Variants in MAP3K21 observed in about 807,000 individuals in gnomAD.
MAP3K21 encodes the protein mitogen-activated protein kinase kinase kinase MLK4.
MAP3K21 carries 63 observed loss-of-function variants against 86.1 expected under a neutral mutation model. The ratio of observed to expected loss-of-function variants is 0.73; its 90% CI spans 0.60 to 0.90. The LOEUF (loss-of-function observed/expected upper bound fraction) is 0.90, where lower values mean the gene tolerates loss of function less well. Ranked by LOEUF, MAP3K21 falls within the 40% of genes least tolerant of loss-of-function variation. The pLI, the probability that MAP3K21 is intolerant of heterozygous loss-of-function variation, is 0.00. For missense variants in MAP3K21, 1,220 were observed against 1,367.7 expected, an observed-to-expected ratio of 0.89 and a Z score of 1.70; for synonymous variants, 558 against 564.8, an observed-to-expected ratio of 0.99 and a Z score of 0.17.
intron 5 of MAP3K21, among the ~76,000 whole-genome samples, chr1:233,365,644 G>A (rs1354473464): frequency 6.6e-6 from 1 of 152,200 alleles, no homozygotes; most frequent in Non-Finnish European, 1.5e-5. Flanking sequence ...TGAGGATGTG[G>A]AGAAAAGGGA....
At position 233,382,979 on chromosome 1, in the gene MAP3K21, A is replaced by G; in HGVS notation, c.*268A>G. On this transcript the variant is annotated 3_prime_UTR_variant, in exon 10 of 10. Transcript: ENST00000366624. ...ACCAATGAAAACTATGCTGGGTCGAATTACCTTCAGCACAATGTTAATGTT... is the reference window on the plus strand; with the variant it reads ...ACCAATGAAAACTATGCTGGGTCGAGTTACCTTCAGCACAATGTTAATGTT... 3.2e-6 allele frequency: 1 copy of G among 315,970 alleles called. No individual in the cohort carries two copies. Among genetic ancestry groups the G allele is most frequent in the Non-Finnish European group, 5.9e-6 (1 of 169,162 alleles). The allele number at this position is 315,970 out of a possible 1,614,324, so 19.6% of individuals were successfully genotyped here.
At chr1:233,349,205 T>C (rs1663202959) in intron 2 of MAP3K21, among the ~76,000 whole-genome samples, 1 of 152,316 alleles carries the variant, frequency 6.6e-6, no homozygotes, top group East Asian at 1.9e-4. Context: ...GTGTTTTCAT[T>C]GAGTTAATGA....
chr1:233,382,796 C>A lies in MAP3K21; in HGVS notation c.*85C>A. Reference sequence around the variant, plus strand: ...TCTACCTTTGAACTGTTTCATGCTGCTGTGTTTTCAAAAGCTGTGGCCATG... The same window carrying A: ...TCTACCTTTGAACTGTTTCATGCTGATGTGTTTTCAAAAGCTGTGGCCATG... On this transcript the variant is annotated 3_prime_UTR_variant, in exon 10 of 10. Transcript: ENST00000366624. 8.1e-7 allele frequency: 1 copy of A among 1,235,262 alleles called. No individual in the cohort carries two copies. The highest frequency in any genetic ancestry group is 1.1e-6 in the Non-Finnish European group (1 of 887,012). 76.5% of individuals were successfully genotyped at this position (1,235,262 alleles called of 1,614,324 possible). A position where few individuals can be genotyped will look rare whatever the true frequency, so the allele number is the denominator to read the frequency against.
At position 233,328,937 on chromosome 1, in the gene MAP3K21, G is replaced by C. The variant is rs1662761582; in HGVS notation, c.805+104G>C. 1 of 1,172,064 alleles carries C rather than the reference G, an allele frequency of 8.5e-7. No individual in the cohort carries two copies. Among genetic ancestry groups the C allele is most frequent in the African/African-American group, 1.6e-5 (1 of 62,420 alleles). The allele number at this position is 1,172,064 out of a possible 1,614,324, so 72.6% of individuals were successfully genotyped here. ...TGGAAAGAGGTGGGAGTCAGCCTTA[G>C]GGCGCCAGCAGCAACTCATGCCCAG... On this transcript the variant is annotated intron_variant, in intron 1 of 9. Transcript: ENST00000366624. This position sits in a 1 kb window ranked among gnomAD's most constrained non-coding sequence, Gnocchi z 8.7.
At chr1:233,337,168 C>T (rs79751560) in intron 1 of MAP3K21, among the ~76,000 whole-genome samples, 2,952 of 151,982 alleles carry the variant, frequency 0.019, 97 homozygotes, top group African/African-American at 0.067. Flanking sequence ...TTTTGCAGCC[C>T]ATATGGTCTC....
At chr1:233,371,503 G>A (rs1663679211) in intron 5 of MAP3K21, among the ~76,000 whole-genome samples, 1 of 152,158 alleles carries the variant, frequency 6.6e-6, no homozygotes, top group African/African-American at 2.4e-5. Flanking sequence ...TGGGATTACA[G>A]ATGTGTGCCA....
chr1:233,365,910 A>C (rs1387406275), intron 5 of MAP3K21, among the ~76,000 whole-genome samples: 1 of 152,232 alleles, frequency 6.6e-6, no homozygotes, highest in African/African-American at 2.4e-5. Context: ...TGGCAACACT[A>C]TTCACAATGA....
chr1:233,351,712 A>G (rs201750842), intron 2 of MAP3K21, among the ~76,000 whole-genome samples: 1 of 143,196 alleles, frequency 7.0e-6, no homozygotes, highest in Admixed American at 7.1e-5. Context: ...AAAAAAAAAA[A>G]GGTTATGTAT....
Position 233,328,957 on chromosome 1 carries a change from GC to G in MAP3K21, c.805+127del, listed in dbSNP as rs1430060225. 4.1e-6 allele frequency: 4 copies of G among 984,520 alleles called. No homozygotes were observed. Among genetic ancestry groups the G allele is most frequent in the Non-Finnish European group, 5.3e-6 (4 of 758,082 alleles). 61.0% of individuals were successfully genotyped at this position (984,520 alleles called of 1,614,324 possible). On this transcript the variant is annotated intron_variant, in intron 1 of 9. Transcript: ENST00000366624. The surrounding 1 kb of genome is among the most constrained non-coding windows in gnomAD (Gnocchi z 8.7). The stretch of plus-strand genomic sequence containing the variant: ...CCTTAGGGCGCCAGCAGCAACTCAT[GC>G]CCAGGCCTTCAGGGCTCGGAAGTCC...
intron 1 of MAP3K21, among the ~76,000 whole-genome samples, chr1:233,342,603 A>G (rs1480277364): frequency 6.6e-6 from 1 of 152,240 alleles, no homozygotes; most frequent in Non-Finnish European, 1.5e-5. Flanking sequence ...AGGTAAAAAG[A>G]TAACTGACAA....
At chr1:233,371,994 A>C (rs1375632956) in intron 5 of MAP3K21, 44 bp from the exon 6 acceptor site, 2 of 1,592,476 alleles carry the variant, frequency 1.3e-6, no homozygotes, top group Non-Finnish European at 1.7e-6. Context: ...ATGAAGATAA[A>C]GGAAAACCAT....
Position 233,377,366 on chromosome 1 carries a change from G to A in MAP3K21, c.1924+839G>A, listed in dbSNP as rs573611626. Among the ~76,000 whole-genome samples the A allele has an allele frequency of 4.3e-4, 65 of 152,276 alleles. 1 individual carries two copies. In the South Asian group the frequency reaches 0.013, roughly 30 times the overall value. ...GATCAAATTAAAGATGCCTTAGCAA[G>A]ACACAATGTAAATGTATTGAATTTG... is the stretch of plus-strand genomic sequence containing the variant. On this transcript the variant is annotated intron_variant, in intron 8 of 9. Coordinates refer to ENST00000366624, the MANE Select transcript of MAP3K21 (RefSeq NM_032435.3).
intron 1 of MAP3K21, among the ~76,000 whole-genome samples, chr1:233,343,588 A>G (rs1663077960): frequency 1.3e-5 from 2 of 152,214 alleles, no homozygotes; most frequent in Non-Finnish European, 2.9e-5. Flanking sequence ...CCAAAGGATA[A>G]ATAAAGATTT....
At chr1:233,337,511 A>G (rs1662940253) in intron 1 of MAP3K21, among the ~76,000 whole-genome samples, 1 of 152,082 alleles carries the variant, frequency 6.6e-6, no homozygotes, top group Non-Finnish European at 1.5e-5. Context: ...ATTTTCTACA[A>G]CTCTTTACAG....
chr1:233,370,506 A>G (rs1371978391), intron 5 of MAP3K21, among the ~76,000 whole-genome samples: 1 of 152,208 alleles, frequency 6.6e-6, no homozygotes, highest in African/African-American at 2.4e-5. Context: ...AAGTATTCAG[A>G]TTTCTAGTAT....
chr1:233,362,397 T>A, intron 5 of MAP3K21, 104 bp downstream of exon 5: 1 of 1,248,958 alleles, frequency 8.0e-7, no homozygotes, highest in Non-Finnish European at 1.1e-6. Flanking sequence ...AGTAACTTTG[T>A]AAAACAGTGA....
rs1211378142 is a variant in MAP3K21, at chr1:233,344,861, C to T, written c.806-1581C>T. Among the ~76,000 whole-genome samples the T allele has an allele frequency of 2.6e-5, 4 of 152,100 alleles. No individual in the cohort carries two copies. The East Asian group carries it at 7.7e-4, about 29-fold the overall frequency. On this transcript the variant is annotated intron_variant, in intron 1 of 9. Transcript: ENST00000366624. ...ACAAAGGGCTAATATCCAGAGTCTA[C>T]AAAGAACTTAAACAAATTTACAAGA...
rs143366659 is a variant in MAP3K21 at position 233,333,679 on chromosome 1, G to A, written c.805+4846G>A. On this transcript the variant is annotated intron_variant, in intron 1 of 9. Transcript: ENST00000366624. ...TAGTTCTGAATTATGCAAAGTATCCGTATTTGATCAGTTTTGTAATCATTA... is the reference window on the plus strand; with the variant it reads ...TAGTTCTGAATTATGCAAAGTATCCATATTTGATCAGTTTTGTAATCATTA... 6.6e-4 allele frequency among the ~76,000 whole-genome samples: 101 copies of A among 152,132 alleles called. 1 individual carries two copies. In the South Asian group the frequency reaches 0.017, roughly 26 times the overall value.
chr1:233,335,224 G>A (rs1038462317), intron 1 of MAP3K21, among the ~76,000 whole-genome samples: 4 of 152,044 alleles, frequency 2.6e-5, no homozygotes, highest in Non-Finnish European at 5.9e-5. Flanking sequence ...GGGGGACCTG[G>A]GAGAGCTGTG....
Sources: gnomAD v4.1 joint callset for allele counts (sites outside exome capture counted in the v4.1 genomes callset) on GRCh38, gnomAD v4.1.1 for gene constraint, Gnocchi (gnomAD v3.1) non-coding constraint, MANE v1.5 for transcripts, NCBI Gene and HGNC (gene_info 2026-07-23, HGNC 2026-07-21) for gene names.